Variants in PCLO observed in about 807,000 individuals in gnomAD.
PCLO encodes the protein piccolo presynaptic cytomatrix protein.
Under a neutral mutation model 427.5 loss-of-function variants are expected in PCLO, and 82 were observed. The ratio of observed to expected loss-of-function variants is 0.19; its 90% CI spans 0.16 to 0.23. PCLO has a LOEUF of 0.23. Among genes scored for constraint, PCLO ranks in the 10% least tolerant of loss-of-function variants. The pLI is 1.00. For missense variants in PCLO, 6,239 were observed against 6,115.9 expected (o/e 1.02, Z -0.67); for synonymous variants, 2,357 against 2,155.4 (o/e 1.09, Z -2.59).
intron 9 of PCLO, among the ~76,000 whole-genome samples, chr7:82,886,650 T>C (rs1310052936): frequency 6.6e-6 from 1 of 152,172 alleles, no homozygotes; most frequent in Non-Finnish European, 1.5e-5. Context: ...TTCAATACAA[T>C]TCAACAGCTT....
At chr7:82,908,441 C>T (rs1441026671) in intron 8 of PCLO, among the ~76,000 whole-genome samples, 3 of 152,086 alleles carry the variant, frequency 2.0e-5, no homozygotes, top group Non-Finnish European at 4.4e-5. Context: ...AGCTTCCTTT[C>T]TCCTCCAGGT....
intron 22 of PCLO, among the ~76,000 whole-genome samples, chr7:82,763,638 C>A (rs970182481): frequency 3.3e-5 from 5 of 152,010 alleles, no homozygotes; most frequent in Non-Finnish European, 5.9e-5. Context: ...TCCAGATATA[C>A]CCTTACATGT....
chr7:82,883,344 T>C (rs1793553796), intron 9 of PCLO, among the ~76,000 whole-genome samples: 1 of 152,196 alleles, frequency 6.6e-6, no homozygotes, highest in African/African-American at 2.4e-5. Context: ...TTTAATTTTA[T>C]ATTATTTCAC....
In PCLO at chr7:82,760,943, C is replaced by CTTTT. The variant is rs767222339; in HGVS notation, c.15143-163_15143-160dup. On this transcript the variant is annotated intron_variant, in intron 23 of 24. Transcript: ENST00000333891. Reference sequence around the variant, plus strand: ...AACATAAAATGATTAAAAGATATGTCTTTTTTTTTTTTTTTTTTTTTTTTT... The same window carrying CTTTT: ...AACATAAAATGATTAAAAGATATGTCTTTTTTTTTTTTTTTTTTTTTTTTTTTTT... Among the ~76,000 whole-genome samples, 211 of 60,398 alleles carry CTTTT rather than the reference C, an allele frequency of 3.5e-3. 41 individuals are homozygous for CTTTT. The highest frequency in any genetic ancestry group is 5.1e-3 in the Non-Finnish European group (171 of 33,496). 39.6% of individuals were successfully genotyped at this position (60,398 alleles called of 152,430 possible).
At chr7:83,157,491 A>T (rs1792331427) in intron 1 of PCLO, among the ~76,000 whole-genome samples, 1 of 152,018 alleles carries the variant, frequency 6.6e-6, no homozygotes, top group South Asian at 2.1e-4. Context: ...TTCAAGATAC[A>T]TCTTAATGCA....
intron 3 of PCLO, among the ~76,000 whole-genome samples, chr7:83,083,545 T>C (rs1790157282): frequency 6.6e-6 from 1 of 152,070 alleles, no homozygotes; most frequent in East Asian, 1.9e-4. Context: ...TCCCTCTCTG[T>C]TAACCTTTAC....
At chr7:82,991,533 T>G (rs572837415) in intron 3 of PCLO, among the ~76,000 whole-genome samples, 2 of 152,232 alleles carry the variant, frequency 1.3e-5, no homozygotes, top group South Asian at 2.1e-4. Context: ...ACTACCTTAA[T>G]GCTGAGATAA....
At chr7:83,094,572 T>A (rs972392656) in intron 3 of PCLO, among the ~76,000 whole-genome samples, 1 of 152,220 alleles carries the variant, frequency 6.6e-6, no homozygotes, top group South Asian at 2.1e-4. Context: ...ATCAATAGTT[T>A]AAGTTCTTGT....
intron 10 of PCLO, among the ~76,000 whole-genome samples, chr7:82,848,304 GTTT>G (rs71522632): frequency 8.2e-4 from 69 of 83,886 alleles, no homozygotes; most frequent in Admixed American, 5.0e-3. Flanking sequence ...CCATTAGTTA[GTTT>G]TTTTTTTTTT....
chr7:82,988,489 A>C (rs578074401), intron 3 of PCLO, among the ~76,000 whole-genome samples: 27 of 152,322 alleles, frequency 1.8e-4, no homozygotes, highest in African/African-American at 5.3e-4. Context: ...CACTCTATCA[A>C]TCATCTATGC....
intron 10 of PCLO, among the ~76,000 whole-genome samples, chr7:82,874,187 A>G (rs553983387): frequency 6.6e-6 from 1 of 151,828 alleles, no homozygotes; most frequent in East Asian, 1.9e-4. Flanking sequence ...TTTTTTTTAA[A>G]TCACTTATTT....
intron 3 of PCLO, among the ~76,000 whole-genome samples, chr7:83,072,282 TATTTTAG>T (rs1248544076): frequency 6.6e-6 from 1 of 152,056 alleles, no homozygotes; most frequent in Non-Finnish European, 1.5e-5. Flanking sequence ...GAAGAACACA[TATTTTAG>T]AATAAAAACT....
intron 3 of PCLO, among the ~76,000 whole-genome samples, chr7:83,007,685 T>C (rs1787982217): frequency 6.6e-6 from 1 of 151,490 alleles, no homozygotes; most frequent in Admixed American, 6.6e-5. Flanking sequence ...TGTAAGAGTG[T>C]GGGTTTGTAG....
chr7:82,805,660 T>G, intron 21 of PCLO, 28 bp downstream of exon 21: 6 of 1,608,232 alleles, frequency 3.7e-6, no homozygotes, highest in Non-Finnish European at 5.1e-6. Context: ...TGAGTAAGCT[T>G]TGTAGTAACA....
At chr7:83,051,761 GA>G (rs1292828453) in intron 3 of PCLO, among the ~76,000 whole-genome samples, 1 of 152,060 alleles carries the variant, frequency 6.6e-6, no homozygotes, top group African/African-American at 2.4e-5. Context: ...TACTGAAGAA[GA>G]AGAAGAAAGT....
intron 3 of PCLO, among the ~76,000 whole-genome samples, chr7:82,985,691 T>C (rs1414380322): frequency 6.6e-6 from 1 of 151,872 alleles, no homozygotes; most frequent in African/African-American, 2.4e-5. Flanking sequence ...TCCTAAGGAG[T>C]AAAAATATTA....
chr7:83,044,345 A>G (rs1468975308), intron 3 of PCLO, among the ~76,000 whole-genome samples: 1 of 152,186 alleles, frequency 6.6e-6, no homozygotes, highest in Non-Finnish European at 1.5e-5. Context: ...GTGTGCAAGT[A>G]TAATAATTTG....
At position 82,822,378 on chromosome 7, in the gene PCLO, G is replaced by T. The variant is rs138696663; in HGVS notation, c.14791+117C>A. 2.1e-3 allele frequency: 3,317 copies of T among 1,589,886 alleles called. 43 individuals are homozygous for T. The African/African-American group carries it at 0.035, about 17-fold the overall frequency. ...GTTCTTACACAGACAAAGGGACAGA[G>T]AACAGGGTGAGCAGAGGATGTTGAA... On this transcript the variant is annotated intron_variant, in intron 20 of 24. Transcript: ENST00000333891.
intron 3 of PCLO, among the ~76,000 whole-genome samples, chr7:83,035,439 C>T (rs1378748368): frequency 6.6e-6 from 1 of 152,046 alleles, no homozygotes; most frequent in African/African-American, 2.4e-5. Context: ...CTTGTCTCTA[C>T]TAATGTAAAT....
Sources: allele counts gnomAD v4.1 joint callset (sites outside exome capture counted in the v4.1 genomes callset), GRCh38; gene constraint gnomAD v4.1.1; transcripts MANE v1.5; gene names NCBI Gene and HGNC (gene_info 2026-07-23, HGNC 2026-07-21).